The following COL4A6 variants were observed in gnomAD, a reference collection of about 807,000 sequenced individuals.
The protein encoded by COL4A6 is collagen alpha-6(IV) chain.
A neutral mutation model predicts 126.7 loss-of-function variants in COL4A6; 59 were observed. That is an observed-to-expected ratio of 0.47 (90% confidence interval 0.38 to 0.58). COL4A6 has a LOEUF of 0.58. Among genes scored for constraint, COL4A6 ranks in the 20% least tolerant of loss-of-function variants. COL4A6 has a pLI of 0.00. For synonymous variants in COL4A6, 547 were observed against 496.6 expected (o/e 1.10, Z -1.35); for missense variants, 1,285 against 1,337.3 (o/e 0.96, Z 0.61).
At chrX:108,212,190 G>T (rs1221854615) in intron 6 of COL4A6, among the ~76,000 whole-genome samples, 1 of 104,586 alleles carries the variant, frequency 9.6e-6, no homozygotes, top group Non-Finnish European at 2.0e-5. Flanking sequence ...TCTAAACTCT[G>T]TTTTATACTC....
intron 3 of COL4A6, among the ~76,000 whole-genome samples, chrX:108,286,324 A>T (rs1323015515): frequency 8.9e-6 from 1 of 112,273 alleles, no homozygotes; most frequent in Non-Finnish European, 1.9e-5. Context: ...TAAGCCAGGG[A>T]TCATAATGCT....
Position 108,191,458 on chromosome X carries a change from A to T in COL4A6, c.1256T>A (p.Ile419Asn), listed in dbSNP as rs142541937. The change falls in exon 19 of 45, where the codon ATT becomes AAT. Residue 419 changes from isoleucine (I) to asparagine (N), a missense_variant. Physicochemically the swap from Ile to Asn is moderately radical, Grantham distance 149. Coordinates refer to ENST00000334504, the MANE Select transcript of COL4A6 (RefSeq NM_033641.4). The stretch of plus-strand genomic sequence containing the variant: ...TCTGCCAGGGAGGCCAGCTGCTCCA[A>T]TTGTGGTACGGCCTGGGTTTCCTTG... The part of the protein sequence containing the change: ...GDQGNPGRTT[I>N]GAAGLPGRDG... 8.3e-7 allele frequency: 1 copy of T among 1,209,540 alleles called. No individual in the cohort carries two copies. The highest frequency in any genetic ancestry group is 1.8e-5 in the African/African-American group (1 of 57,072).
chrX:108,225,083 G>A (rs561876389), intron 3 of COL4A6, among the ~76,000 whole-genome samples: 1 of 110,465 alleles, frequency 9.1e-6, no homozygotes, highest in South Asian at 4.0e-4. Flanking sequence ...AGAAGAGGAA[G>A]GACTTGTTTA....
At chrX:108,223,597 C>T (rs186389543) in intron 3 of COL4A6, among the ~76,000 whole-genome samples, 15 of 111,167 alleles carry the variant, frequency 1.3e-4, no homozygotes, top group African/African-American at 3.6e-4. Flanking sequence ...CCAGCTGAAG[C>T]GGGCCTGGAA....
At chrX:108,199,936 C>T (rs1056403006) in intron 13 of COL4A6, among the ~76,000 whole-genome samples, 7 of 112,013 alleles carry the variant, frequency 6.2e-5, no homozygotes, top group African/African-American at 2.3e-4. Flanking sequence ...AATCTCAGCT[C>T]TGCTAATAAT....
intron 37 of COL4A6, among the ~76,000 whole-genome samples, chrX:108,169,259 G>T (rs1004413764): frequency 2.7e-5 from 3 of 112,099 alleles, no homozygotes; most frequent in African/African-American, 9.7e-5. Flanking sequence ...GAACAGAAGA[G>T]AATCTGGAGG....
chrX:108,313,514 TA>T (rs2038810914), intron 2 of COL4A6, among the ~76,000 whole-genome samples: 1 of 111,581 alleles, frequency 9.0e-6, no homozygotes, highest in Non-Finnish European at 1.9e-5. Flanking sequence ...ATCTTATTAT[TA>T]TTATACTTTA....
At chrX:108,175,429 C>T (rs1456797429) in intron 29 of COL4A6, among the ~76,000 whole-genome samples, 1 of 111,658 alleles carries the variant, frequency 9.0e-6, no homozygotes, top group Non-Finnish European at 1.9e-5. Context: ...TCCTCAAATC[C>T]TTCCTCCACT....
chrX:108,278,629 G>A (rs1177216348), intron 3 of COL4A6, among the ~76,000 whole-genome samples: 1 of 109,196 alleles, frequency 9.2e-6, no homozygotes, highest in Non-Finnish European at 1.9e-5. Flanking sequence ...TCAGATTCAG[G>A]AAATACAGAG....
chrX:108,172,365 G>GTAAAAAAA (rs2034335013), intron 32 of COL4A6, 104 bp downstream of exon 32: 1 of 88,379 alleles, frequency 1.1e-5, no homozygotes, highest in African/African-American at 8.3e-5. Context: ...GCCTAAAAAA[G>GTAAAAAAA]AAAAAAAAAA....
At chrX:108,371,436 A>G (rs773712627) in intron 2 of COL4A6, among the ~76,000 whole-genome samples, 5 of 110,204 alleles carry the variant, frequency 4.5e-5, no homozygotes, top group Non-Finnish European at 1.9e-5. Context: ...GCACATATAT[A>G]TTAGAACTTA....
chrX:108,433,631 C>T (rs2064211655), intron 2 of COL4A6, among the ~76,000 whole-genome samples: 1 of 110,279 alleles, frequency 9.1e-6, no homozygotes, highest in Non-Finnish European at 1.9e-5. Flanking sequence ...CTCAAGCCAT[C>T]CTCCCACCTC....
At chrX:108,172,043 C>T (rs767662433) in intron 32 of COL4A6, among the ~76,000 whole-genome samples, 5 of 111,806 alleles carry the variant, frequency 4.5e-5, no homozygotes, top group African/African-American at 1.3e-4. Context: ...ACAGACTCTC[C>T]GCTACCCTCG....
chrX:108,187,077 A>T lies in COL4A6; in HGVS notation c.1951+19T>A, dbSNP rs750622504. The T allele has an allele frequency of 9.0e-7, 1 of 1,108,469 alleles. No individual in the cohort carries two copies. Among genetic ancestry groups the T allele is most frequent in the Admixed American group, 2.7e-5 (1 of 37,538 alleles). The allele number at this position is 1,108,469 out of a possible 1,213,427, so 91.4% of individuals were successfully genotyped here. A position where few individuals can be genotyped will look rare whatever the true frequency, so the allele number is the denominator to read the frequency against. ...GGGTCAAATTTCCAAGTCCAAAGCC[A>T]TCTGATTCTATGACTCACCCTTAGA... On this transcript the variant is annotated intron_variant, in intron 23 of 44. Transcript: ENST00000334504.
chrX:108,157,030 A>G lies in COL4A6; in HGVS notation c.5043T>C (p.Ser1681=). The G allele has an allele frequency of 8.3e-7, 1 of 1,211,524 alleles. No homozygotes were observed. The highest frequency in any genetic ancestry group is 1.1e-6 in the Non-Finnish European group (1 of 895,387). The change falls in exon 45 of 45, where the codon AGT becomes AGC. Residue 1681 remains serine (S), a synonymous_variant. Transcript: ENST00000334504. ...GGCTTTTCATACACACCTGGCAGCG[A>G]CTGACTCGAGTGTGGAGCTGCCCAG... The part of the protein sequence containing the change: ...LKAGQLHTRV[S]RCQVCMKSL
intron 2 of COL4A6, among the ~76,000 whole-genome samples, chrX:108,419,114 G>C (rs1053706716): frequency 8.0e-5 from 9 of 112,174 alleles, no homozygotes; most frequent in African/African-American, 2.9e-4. Context: ...AGAATCCACA[G>C]CATATCATAT....
At chrX:108,295,930 T>C (rs1449266867) in intron 3 of COL4A6, among the ~76,000 whole-genome samples, 2 of 111,983 alleles carry the variant, frequency 1.8e-5, no homozygotes, top group Admixed American at 1.9e-4. Flanking sequence ...AAAAGAAACT[T>C]GGTTCAAAGA....
At chrX:108,439,220 A>G (rs1417671323), upstream of COL4A6, 6 of 257,251 alleles carry the variant, frequency 2.3e-5, no homozygotes, top group Non-Finnish European at 4.3e-5. Context: ...ATAGGATTCA[A>G]TGCAGCTAAA....
At chrX:108,348,099 A>G (rs886573403) in intron 2 of COL4A6, among the ~76,000 whole-genome samples, 1 of 111,800 alleles carries the variant, frequency 8.9e-6, no homozygotes, top group African/African-American at 3.2e-5. Flanking sequence ...ACTCGAAAAC[A>G]GTCTTTGTGT....
Sources: allele counts gnomAD v4.1 joint callset (sites outside exome capture counted in the v4.1 genomes callset), GRCh38; gene constraint gnomAD v4.1.1; transcripts MANE v1.5; gene names NCBI Gene and HGNC (gene_info 2026-07-23, HGNC 2026-07-21).